The following LEPROTL1 variants were observed in gnomAD, a reference collection of about 807,000 sequenced individuals.
LEPROTL1 encodes leptin receptor overlapping transcript-like 1.
Under a neutral mutation model 15.4 loss-of-function variants are expected in LEPROTL1, and 6 were observed. That is an observed-to-expected ratio of 0.39 (90% confidence interval 0.21 to 0.77). LEPROTL1 has a LOEUF of 0.77. Ranked by LOEUF, LEPROTL1 falls within the 30% of genes least tolerant of loss-of-function variation. The probability of loss-of-function intolerance (pLI) is 0.41; values close to 1 mark genes in which losing one functional copy is unlikely to be tolerated. For synonymous variants in LEPROTL1, 56 were observed against 52.6 expected (o/e 1.06, Z -0.28); for missense variants, 128 against 158.1 (o/e 0.81, Z 1.02).
chr8:30,117,663 A>G (rs765048436), intron 3 of LEPROTL1: 9 of 1,481,470 alleles, frequency 6.1e-6, no homozygotes, highest in Non-Finnish European at 8.4e-6. Context: ...CATCACAGTG[A>G]GAAACCAGAC....
At chr8:30,116,791 G>A (rs1802748143) in intron 3 of LEPROTL1, among the ~76,000 whole-genome samples, 1 of 152,180 alleles carries the variant, frequency 6.6e-6, no homozygotes. Context: ...AAGGGGGTTG[G>A]AACCTCTGAT....
intron 3 of LEPROTL1, among the ~76,000 whole-genome samples, chr8:30,124,087 CTG>C (rs933601270): frequency 1.3e-5 from 2 of 151,560 alleles, no homozygotes; most frequent in African/African-American, 4.8e-5. Context: ...CTTATACTAA[CTG>C]TCTTTTATAA....
At chr8:30,117,321 CTTTTT>C in intron 3 of LEPROTL1, 6 of 698,600 alleles carry the variant, frequency 8.6e-6, no homozygotes, top group Admixed American at 2.5e-5. Flanking sequence ...GACCCTGTTT[CTTTTT>C]TTTTTTTTTA....
At position 30,106,157 on chromosome 8, in the gene LEPROTL1, T is replaced by C. The variant is rs912725177; in HGVS notation, c.*295T>C. The C allele has an allele frequency of 8.0e-6, 8 of 997,806 alleles. No homozygotes were observed. The African/African-American group carries it at 1.4e-4, about 17-fold the overall frequency. The allele number at this position is 997,806 out of a possible 1,614,324, so 61.8% of individuals were successfully genotyped here. A position where few individuals can be genotyped will look rare whatever the true frequency, so the allele number is the denominator to read the frequency against. On this transcript the variant is annotated 3_prime_UTR_variant, in exon 4 of 4. Transcript: ENST00000321250. ...GTGTTTTTCCTGTTAGGTTGATTTT[T>C]TTTGGAATCAATATGCAATGTTAAA...
chr8:30,128,120 G>A (rs531093472), intron 3 of LEPROTL1, among the ~76,000 whole-genome samples: 74 of 152,254 alleles, frequency 4.9e-4, no homozygotes, highest in African/African-American at 1.6e-3. Context: ...TTGGATCCGG[G>A]CTGTCCTCTG....
rs1239332127 is a variant in LEPROTL1 at position 30,132,683 on chromosome 8, C to T, written c.394+194C>T. On this transcript the variant is annotated intron_variant, in intron 4 of 4. Transcript: ENST00000442880. ...GGATGCAAAGCACTGGACCCTTGAA[C>T]ACGAGCCTGAAATCGCTGGAAGGAG... The T allele has an allele frequency of 1.3e-6, 2 of 1,551,776 alleles. No individual in the cohort carries two copies. The highest frequency in any genetic ancestry group is 2.4e-5 in the East Asian group (1 of 40,924).
intron 3 of LEPROTL1, chr8:30,104,714 CTT>C (rs376796010): frequency 0.012 from 2,455 of 198,822 alleles, no homozygotes; most frequent in Middle Eastern, 0.022. Flanking sequence ...TTTTTTTTTT[CTT>C]TTTTTTTTTT....
chr8:30,097,995 CTG>C, intron 1 of LEPROTL1, among the ~76,000 whole-genome samples: 1 of 150,806 alleles, frequency 6.6e-6, no homozygotes, highest in South Asian at 2.1e-4. Context: ...TGACTGTTCT[CTG>C]TCACAGAACA....
intron 3 of LEPROTL1, among the ~76,000 whole-genome samples, chr8:30,125,751 G>A (rs1723864014): frequency 6.6e-6 from 1 of 152,158 alleles, no homozygotes; most frequent in Admixed American, 6.5e-5. Flanking sequence ...CTGGGACAGG[G>A]CCAGAACTCC....
chr8:30,095,939 A>G lies in LEPROTL1; in HGVS notation c.16+411A>G, dbSNP rs544898584. The G allele has an allele frequency of 2.6e-5, 18 of 690,040 alleles. No individual in the cohort carries two copies. In the Middle Eastern group the frequency reaches 6.9e-4, roughly 26 times the overall value. The allele number at this position is 690,040 out of a possible 1,614,324, so 42.7% of individuals were successfully genotyped here. A position where few individuals can be genotyped will look rare whatever the true frequency, so the allele number is the denominator to read the frequency against. On this transcript the variant is annotated intron_variant, in intron 1 of 3. Coordinates refer to ENST00000321250, the MANE Select transcript of LEPROTL1 (RefSeq NM_015344.3). ...GCTGAGGCTGCTAGAGATGCCAGCT[A>G]TGGAAAACCAGTCATTTCCCACCGA...
chr8:30,110,777 G>T (rs941959977), downstream of LEPROTL1, among the ~76,000 whole-genome samples: 4 of 152,112 alleles, frequency 2.6e-5, no homozygotes, highest in Admixed American at 2.0e-4. Flanking sequence ...CTATGAAAGA[G>T]AAGCGTTGTG....
At chr8:30,097,696 T>TACACACACAC (rs1470929284) in intron 1 of LEPROTL1, among the ~76,000 whole-genome samples, 13 of 108,954 alleles carry the variant, frequency 1.2e-4, no homozygotes, top group African/African-American at 3.4e-4. Context: ...TATATATATA[T>TACACACACAC]ATACACACAC....
chr8:30,116,328 G>A (rs1802740191), intron 3 of LEPROTL1, among the ~76,000 whole-genome samples: 1 of 152,180 alleles, frequency 6.6e-6, no homozygotes, highest in South Asian at 2.1e-4. Flanking sequence ...CCCCAATCTT[G>A]TTGGCATCAG....
Position 30,131,294 on chromosome 8 carries a change from A to ATGTG in LEPROTL1, c.280-1080_280-1079insGTGT, listed in dbSNP as rs71206232. Among the ~76,000 whole-genome samples the ATGTG allele has an allele frequency of 4.8e-3, 235 of 49,190 alleles. 1 individual carries two copies. The Middle Eastern group carries it at 0.05, about 10-fold the overall frequency. The allele number at this position is 49,190 out of a possible 152,430, so 32.3% of individuals were successfully genotyped here. A position where few individuals can be genotyped will look rare whatever the true frequency, so the allele number is the denominator to read the frequency against. The stretch of plus-strand genomic sequence containing the variant: ...TATGTGTGTGTATATATATATATAT[A>ATGTG]TATGTGTGTGTGTATATATATATAT... On this transcript the variant is annotated intron_variant, in intron 3 of 4. Transcript: ENST00000442880.
chr8:30,128,840 GCA>G (rs1315143255), intron 3 of LEPROTL1, among the ~76,000 whole-genome samples: 1 of 149,328 alleles, frequency 6.7e-6, no homozygotes, highest in Non-Finnish European at 1.5e-5. Flanking sequence ...TTCATCAACT[GCA>G]CACACCCCTA....
chr8:30,118,337 A>G (rs1802775181), intron 3 of LEPROTL1, among the ~76,000 whole-genome samples: 1 of 152,184 alleles, frequency 6.6e-6, no homozygotes, highest in Non-Finnish European at 1.5e-5. Flanking sequence ...ATATATTAAT[A>G]TATGTACATA....
Position 30,107,546 on chromosome 8 carries a change from T to C in LEPROTL1, c.*1684T>C, listed in dbSNP as rs1355329335. ...TAAAGATGCCTAAAGCCACAGGTTTTATTGCCTAACTTAAGCCATGACTTT... is the reference window on the plus strand; with the variant it reads ...TAAAGATGCCTAAAGCCACAGGTTTCATTGCCTAACTTAAGCCATGACTTT... On this transcript the variant is annotated 3_prime_UTR_variant, in exon 4 of 4. Coordinates refer to ENST00000321250, the MANE Select transcript of LEPROTL1 (RefSeq NM_015344.3). The C allele has an allele frequency of 3.0e-6, 3 of 985,880 alleles. No homozygotes were observed. In the East Asian group the frequency reaches 3.4e-4, roughly 112 times the overall value. The allele number at this position is 985,880 out of a possible 1,614,324, so 61.1% of individuals were successfully genotyped here. A position where few individuals can be genotyped will look rare whatever the true frequency, so the allele number is the denominator to read the frequency against.
rs746360501 is a variant in LEPROTL1 at position 30,107,982 on chromosome 8, A to G, written c.*2120A>G. 33 of 977,280 alleles carry G rather than the reference A, an allele frequency of 3.4e-5. No individual in the cohort carries two copies. The highest frequency in any genetic ancestry group is 3.9e-5 in the Non-Finnish European group (32 of 822,668). 60.5% of individuals were successfully genotyped at this position (977,280 alleles called of 1,614,324 possible). ...TAGTTACTTGAGATATGAATTTTCC[A>G]TAGAATATGCACTGATACAATATTA... On this transcript the variant is annotated 3_prime_UTR_variant, in exon 4 of 4. Coordinates refer to ENST00000321250, the MANE Select transcript of LEPROTL1 (RefSeq NM_015344.3).
At chr8:30,099,594 CCATT>C (rs1563212704) in intron 1 of LEPROTL1, among the ~76,000 whole-genome samples, 1 of 74,324 alleles carries the variant, frequency 1.3e-5, no homozygotes. Flanking sequence ...GCGCAAGACT[CCATT>C]TAAAAAAAAA....
Sources: allele counts gnomAD v4.1 joint callset (sites outside exome capture counted in the v4.1 genomes callset), GRCh38; gene constraint gnomAD v4.1.1; transcripts MANE v1.5; gene names NCBI Gene and HGNC (gene_info 2026-07-23, HGNC 2026-07-21).